DST: variants seen among roughly 807,000 people sequenced by gnomAD.
DST encodes the protein bullous pemphigoid antigen.
DST carries 253 observed loss-of-function variants against 875.2 expected under a neutral mutation model. The ratio of observed to expected loss-of-function variants is 0.29; its 90% CI spans 0.26 to 0.32. The LOEUF is 0.32. Among genes scored for constraint, DST ranks in the 10% least tolerant of loss-of-function variants. The pLI is 1.00. For missense variants in DST, 8,287 were observed against 9,111.6 expected, an observed-to-expected ratio of 0.91 and a Z score of 3.68; for synonymous variants, 3,124 against 3,197.1, an observed-to-expected ratio of 0.98 and a Z score of 0.77.
At chr6:56,666,234 T>C (rs982218350) in intron 10 of DST, among the ~76,000 whole-genome samples, 1 of 152,128 alleles carries the variant, frequency 6.6e-6, no homozygotes, top group Non-Finnish European at 1.5e-5. Flanking sequence ...GAAACACTAA[T>C]AAAAATGTGC....
chr6:56,516,568 T>A (rs2096599268), intron 71 of DST, among the ~76,000 whole-genome samples: 1 of 152,154 alleles, frequency 6.6e-6, no homozygotes, highest in Non-Finnish European at 1.5e-5. Flanking sequence ...TAGAGATTCC[T>A]ATTTTTTTTG....
chr6:56,772,042 CTG>C (rs1220704689), intron 4 of DST, among the ~76,000 whole-genome samples: 1 of 152,074 alleles, frequency 6.6e-6, no homozygotes, highest in Non-Finnish European at 1.5e-5. Flanking sequence ...AAAAGGGAAA[CTG>C]AAATAAAAGT....
At chr6:56,586,753 G>A (rs565275365) in intron 49 of DST, among the ~76,000 whole-genome samples, 4 of 152,212 alleles carry the variant, frequency 2.6e-5, no homozygotes, top group Admixed American at 6.5e-5. Context: ...CGCGGTTCAC[G>A]AAAATCCGCT....
At position 56,670,658 on chromosome 6, in the gene DST, G is replaced by A; in HGVS notation, c.1197C>T (p.Ala399=). Residue 399 remains alanine, a synonymous_variant, in exon 10 of 104, where the codon GCC becomes GCT. Transcript: ENST00000680361. ...TCWRDGKLFN[A]IIHKYRPDLI... is the part of the protein sequence containing the mutation. ...TTCCATACCTGTATTTATGAATGAT[G>A]GCATTAAATAATTTTCCATCTCTCC... is the stretch of plus-strand genomic sequence containing the variant. The A allele has an allele frequency of 3.8e-6, 6 of 1,585,830 alleles. No homozygotes were observed. Among genetic ancestry groups the A allele is most frequent in the Non-Finnish European group, 5.1e-6 (6 of 1,166,078 alleles).
At chr6:56,462,939 T>C (rs762917332) in intron 102 of DST, 107 bp downstream of exon 102, 4 of 593,168 alleles carry the variant, frequency 6.7e-6, no homozygotes, top group African/African-American at 1.9e-5. Flanking sequence ...TAAAAAGACA[T>C]AGGGTTAGCA....
At chr6:56,893,562 C>CTTTTT (rs1282483681) in intron 3 of DST, among the ~76,000 whole-genome samples, 51 of 35,904 alleles carry the variant, frequency 1.4e-3, no homozygotes, top group African/African-American at 3.9e-3. Flanking sequence ...ACTTTTAGTT[C>CTTTTT]TTTTTTTTTT....
At chr6:56,914,145 A>G (rs1393192625) in intron 2 of DST, among the ~76,000 whole-genome samples, 1 of 152,206 alleles carries the variant, frequency 6.6e-6, no homozygotes. Flanking sequence ...TGAACCATAA[A>G]AAGAAAATAA....
chr6:56,695,636 T>C (rs907545302), intron 9 of DST, among the ~76,000 whole-genome samples: 32 of 152,218 alleles, frequency 2.1e-4, no homozygotes, highest in African/African-American at 7.5e-4. Context: ...CATCACCCTA[T>C]GTTATAGTTA....
chr6:56,704,887 A>C (rs573596429), intron 5 of DST, among the ~76,000 whole-genome samples: 1 of 152,212 alleles, frequency 6.6e-6, no homozygotes, highest in African/African-American at 2.4e-5. Context: ...TTTCAAAAAA[A>C]TTTTTTGAAA....
chr6:56,833,609 C>T (rs545249188), intron 4 of DST, among the ~76,000 whole-genome samples: 1 of 152,186 alleles, frequency 6.6e-6, no homozygotes, highest in Non-Finnish European at 1.5e-5. Context: ...ATTGCAGCTA[C>T]AACAGCATAT....
At chr6:56,661,779 C>T (rs951590635) in intron 10 of DST, among the ~76,000 whole-genome samples, 1 of 152,010 alleles carries the variant, frequency 6.6e-6, no homozygotes, top group Non-Finnish European at 1.5e-5. Flanking sequence ...GTAGAGCCGC[C>T]GTTTCTCCAT....
intron 49 of DST, among the ~76,000 whole-genome samples, chr6:56,584,470 C>T (rs373323320): frequency 0.027 from 3,959 of 143,992 alleles, 266 homozygotes; most frequent in African/African-American, 0.11. Flanking sequence ...CTGAAGTTGC[C>T]TATCAGCTTA....
chr6:56,781,738 G>A (rs1410752782), intron 4 of DST, among the ~76,000 whole-genome samples: 2 of 151,988 alleles, frequency 1.3e-5, no homozygotes, highest in African/African-American at 2.4e-5. Context: ...TAATTGCCCT[G>A]GCCAGAACTT....
rs572202074 is a variant in DST, at chr6:56,567,385, G to C, written c.14005+1084C>G. 3.8e-4 allele frequency among the ~76,000 whole-genome samples: 54 copies of C among 143,114 alleles called. 1 individual carries two copies. Among genetic ancestry groups the C allele is most frequent in the African/African-American group, 1.4e-3 (52 of 38,350 alleles). 93.9% of individuals were successfully genotyped at this position (143,114 alleles called of 152,430 possible). On this transcript the variant is annotated intron_variant, in intron 55 of 103. Coordinates refer to ENST00000680361, the MANE Select transcript of DST (RefSeq NM_001374736.1). ...CAGATGGAAGTGAAAATATCCTGTA[G>C]ATGCTCACTACTAATTCCTACCATG...
At chr6:56,475,394 A>AACACACACACAAACACACACACACACAC (rs1389911774) in intron 92 of DST, among the ~76,000 whole-genome samples, 1 of 144,882 alleles carries the variant, frequency 6.9e-6, no homozygotes, top group African/African-American at 2.6e-5. Flanking sequence ...AGGCTTTTAA[A>AACACACACACAAACACACACACACACAC]ACACACACAC....
Position 56,679,941 on chromosome 6 carries a change from C to A in DST, c.1048-9134G>T, listed in dbSNP as rs139348567. Among the ~76,000 whole-genome samples the A allele has an allele frequency of 5.8e-3, 878 of 152,302 alleles. 4 individuals are homozygous for A. The highest frequency in any genetic ancestry group is 0.02 in the African/African-American group (838 of 41,572). On this transcript the variant is annotated intron_variant, in intron 9 of 103. Transcript: ENST00000680361. ...CACAAACTTTGCTCCCATATGACCT[C>A]CTTTTCTCTTGGAGTTTAAATCCTT...
At chr6:56,575,677 T>C (rs1421617143) in intron 50 of DST, among the ~76,000 whole-genome samples, 1 of 152,154 alleles carries the variant, frequency 6.6e-6, no homozygotes, top group Non-Finnish European at 1.5e-5. Flanking sequence ...TATCATATAA[T>C]AAGAAATATT....
chr6:56,692,750 C>T (rs1214666858), intron 9 of DST: 29 of 1,289,768 alleles, frequency 2.2e-5, no homozygotes, highest in South Asian at 2.5e-5. Flanking sequence ...ACTTTTACTT[C>T]TGTTTCACTG....
At chr6:56,725,757 A>G (rs114487656) in intron 5 of DST, among the ~76,000 whole-genome samples, 3,250 of 152,264 alleles carry the variant, frequency 0.021, 43 homozygotes, top group Middle Eastern at 0.034. Context: ...ACATTGTAAC[A>G]AGTTTCACCC....
Sources: allele counts gnomAD v4.1 joint callset (sites outside exome capture counted in the v4.1 genomes callset), GRCh38; gene constraint gnomAD v4.1.1; transcripts MANE v1.5; gene names NCBI Gene and HGNC (gene_info 2026-07-23, HGNC 2026-07-21).